The following UGT2B4 variants were observed in gnomAD, a reference collection of about 807,000 sequenced individuals.
UGT2B4 encodes the protein UDP glucuronosyltransferase family 2 member B4.
A neutral mutation model predicts 49.8 loss-of-function variants in UGT2B4; 49 were observed. That is an observed-to-expected ratio of 0.98 (90% confidence interval 0.78 to 1.25). The LOEUF (loss-of-function observed/expected upper bound fraction) is 1.25, where lower values mean the gene tolerates loss of function less well. Among genes scored for constraint, UGT2B4 ranks in the 50% most tolerant of loss-of-function variants. The pLI, the probability that UGT2B4 is intolerant of heterozygous loss-of-function variation, is 0.00. For missense variants in UGT2B4, 729 were observed against 627.7 expected, an observed-to-expected ratio of 1.16 and a Z score of -1.73; for synonymous variants, 246 against 217.7, an observed-to-expected ratio of 1.13 and a Z score of -1.14.
rs113842049 is a variant in UGT2B4 at position 69,510,990 on chromosome 4, C to CT, written c.-106+14696dup. On this transcript the variant is annotated intron_variant, in intron 1 of 1. Coordinates refer to the UGT2B4 transcript ENST00000510114. ...TAAATACTCTTTCTTTTCTTTTCTT[C>CT]TTTTTTTTTTTTTTTTTGAGACAGT... 1.4e-3 allele frequency among the ~76,000 whole-genome samples: 151 copies of CT among 105,880 alleles called. 1 individual carries two copies. Among genetic ancestry groups the CT allele is most frequent in the Middle Eastern group, 4.9e-3 (1 of 204 alleles). 69.5% of individuals were successfully genotyped at this position (105,880 alleles called of 152,430 possible). A position where few individuals can be genotyped will look rare whatever the true frequency, so the allele number is the denominator to read the frequency against.
chr4:69,523,571 T>C (rs1037454454), intron 1 of UGT2B4, among the ~76,000 whole-genome samples: 1 of 152,088 alleles, frequency 6.6e-6, no homozygotes, highest in Non-Finnish European at 1.5e-5. Flanking sequence ...CTAGGCTTTG[T>C]CATTCTATTT....
chr4:69,495,425 T>G lies in UGT2B4; in HGVS notation c.437A>C (p.Asp146Ala). 6.2e-7 allele frequency: 1 copy of G among 1,613,934 alleles called. No individual in the cohort carries two copies. Among genetic ancestry groups the G allele is most frequent in the Non-Finnish European group, 8.5e-7 (1 of 1,179,940 alleles). ...LMKKLQESRFDVVLADAVFPF... is the reference protein window; with the variant it reads ...LMKKLQESRFAVVLADAVFPF... The stretch of plus-strand genomic sequence containing the variant: ...GAAAACAGCATCTGCAAGAACAACA[T>G]CAAATCTTGACTCCTGTAGTTTCTT... The change falls in exon 1 of 6, where the codon GAT becomes GCT. Residue 146 changes from aspartate to alanine, a missense_variant. Coordinates refer to ENST00000305107, the MANE Select transcript of UGT2B4 (RefSeq NM_021139.3).
intron 5 of UGT2B4, among the ~76,000 whole-genome samples, chr4:69,481,426 T>G (rs961708970): frequency 6.6e-6 from 1 of 152,222 alleles, no homozygotes; most frequent in Non-Finnish European, 1.5e-5. Context: ...AATTGGAATT[T>G]CATAATTGAC....
chr4:69,489,711 C>T, intron 2 of UGT2B4, 141 bp from the exon 3 acceptor site: 1 of 1,275,138 alleles, frequency 7.8e-7, no homozygotes. Context: ...GACTCAATTA[C>T]TCAGTTTTTT....
At chr4:69,503,520 A>G (rs1194024724) in intron 1 of UGT2B4, among the ~76,000 whole-genome samples, 1 of 151,918 alleles carries the variant, frequency 6.6e-6, no homozygotes. Context: ...CCTCCCCTCT[A>G]CTGACAGCCT....
At chr4:69,515,535 A>G (rs1471853166) in intron 1 of UGT2B4, among the ~76,000 whole-genome samples, 2 of 152,198 alleles carry the variant, frequency 1.3e-5, no homozygotes, top group African/African-American at 4.8e-5. Context: ...CTATAGCACT[A>G]GATGCCCACA....
Position 69,485,341 on chromosome 4 carries a change from C to T in UGT2B4, c.1177G>A (p.Val393Ile), listed in dbSNP as rs769241389. The T allele has an allele frequency of 4.8e-5, 78 of 1,613,886 alleles. No individual in the cohort carries two copies. Among genetic ancestry groups the T allele is most frequent in the Middle Eastern group, 1.6e-4 (1 of 6,080 alleles). Residue 393 changes from valine to isoleucine, a missense_variant, in exon 5 of 6, where the codon GTT (valine) becomes ATT (isoleucine). Coordinates refer to ENST00000305107, the MANE Select transcript of UGT2B4 (RefSeq NM_021139.3). ...TCAGGTTGATCTGCAAACAATGGAA[C>T]GCCCACCATAGGGATTCCATGGTAG... ...AIYHGIPMVGVPLFADQPDNI... is the reference protein window; with the variant it reads ...AIYHGIPMVGIPLFADQPDNI...
chr4:69,500,634 A>C (rs147934024), upstream of UGT2B4, among the ~76,000 whole-genome samples: 1,203 of 115,478 alleles, frequency 0.01, 14 homozygotes, highest in Middle Eastern at 0.018. Context: ...AGAAAGAAAG[A>C]AAGAAAGAAA....
Position 69,502,683 on chromosome 4 carries a change from G to A in UGT2B4, c.-105-6717C>T, listed in dbSNP as rs547585681. Among the ~76,000 whole-genome samples the A allele has an allele frequency of 3.3e-5, 5 of 152,144 alleles. No homozygotes were observed. In the South Asian group the frequency reaches 8.3e-4, roughly 25 times the overall value. The stretch of plus-strand genomic sequence containing the variant: ...CTGCCAGAACTATTGAGCTATTAGC[G>A]ACTTGGAAACTCCCTGGACAGAGCC... On this transcript the variant is annotated intron_variant, in intron 1 of 1. Transcript: ENST00000510114.
At chr4:69,516,725 G>C (rs904414401) in intron 1 of UGT2B4, among the ~76,000 whole-genome samples, 1 of 151,918 alleles carries the variant, frequency 6.6e-6, no homozygotes, top group Non-Finnish European at 1.5e-5. Flanking sequence ...TCATGTTTCA[G>C]TCTCTCGGAG....
At chr4:69,510,340 T>A (rs561688674) in intron 1 of UGT2B4, among the ~76,000 whole-genome samples, 1 of 152,282 alleles carries the variant, frequency 6.6e-6, no homozygotes, top group South Asian at 2.1e-4. Context: ...CCTTCATGAG[T>A]CTTTAATGAG....
intron 2 of UGT2B4, 51 bp downstream of exon 2, chr4:69,493,642 A>G (rs765882806): frequency 2.5e-6 from 4 of 1,570,540 alleles, no homozygotes; most frequent in African/African-American, 1.4e-5. Flanking sequence ...TGAATATAGA[A>G]CCATTCGTAC....
At chr4:69,494,810 A>T (rs1447554936) in intron 1 of UGT2B4, among the ~76,000 whole-genome samples, 1 of 152,184 alleles carries the variant, frequency 6.6e-6, no homozygotes, top group Admixed American at 6.6e-5. Flanking sequence ...ATTCAGCAAG[A>T]TGTTTCTGAA....
At chr4:69,513,396 G>A (rs1728655228) in intron 1 of UGT2B4, among the ~76,000 whole-genome samples, 1 of 151,920 alleles carries the variant, frequency 6.6e-6, no homozygotes, top group Non-Finnish European at 1.5e-5. Flanking sequence ...ATGGTTGTAG[G>A]TGTGCAGTCT....
chr4:69,489,394 G>T lies in UGT2B4; in HGVS notation c.1002+45C>A, dbSNP rs1387589498. The T allele has an allele frequency of 2.5e-6, 4 of 1,599,312 alleles. No homozygotes were observed. The South Asian group carries it at 4.4e-5, about 18-fold the overall frequency. On this transcript the variant is annotated intron_variant, in intron 3 of 5. Transcript: ENST00000305107. ...ATTGGGTTCTTTACAAACTTTAACA[G>T]CCTCTTTCAGTAGTTTTTTACACCA...
intron 1 of UGT2B4, among the ~76,000 whole-genome samples, chr4:69,513,133 G>A (rs1379176348): frequency 1.3e-5 from 2 of 152,102 alleles, no homozygotes; most frequent in Non-Finnish European, 2.9e-5. Context: ...ATTGATTTGG[G>A]TGTTTTCATC....
At chr4:69,488,923 C>T (rs1161330569) in intron 3 of UGT2B4, among the ~76,000 whole-genome samples, 1 of 152,086 alleles carries the variant, frequency 6.6e-6, no homozygotes, top group Non-Finnish European at 1.5e-5. Flanking sequence ...CTGAATATCA[C>T]TTGAATAGGC....
At chr4:69,486,184 T>C (rs951920824) in intron 4 of UGT2B4, among the ~76,000 whole-genome samples, 1 of 152,180 alleles carries the variant, frequency 6.6e-6, no homozygotes, top group Non-Finnish European at 1.5e-5. Flanking sequence ...ATGAAATGTG[T>C]CATCACTTTT....
intron 5 of UGT2B4, among the ~76,000 whole-genome samples, chr4:69,482,760 C>T (rs925832939): frequency 3.3e-5 from 5 of 151,890 alleles, no homozygotes; most frequent in Non-Finnish European, 7.4e-5. Context: ...GTGCGCACCA[C>T]CATGCTTGGC....
Sources: gnomAD v4.1 joint callset for allele counts (sites outside exome capture counted in the v4.1 genomes callset) on GRCh38, gnomAD v4.1.1 for gene constraint, MANE v1.5 for transcripts, NCBI Gene and HGNC (gene_info 2026-07-23, HGNC 2026-07-21) for gene names.